The following KCNK9 variants were observed in gnomAD, a reference collection of about 807,000 sequenced individuals.
The protein encoded by KCNK9 is potassium channel subfamily K member 9.
Under a neutral mutation model 10.8 loss-of-function variants are expected in KCNK9, and 1 was observed. The ratio of observed to expected loss-of-function variants is 0.09; its 90% CI spans 0.03 to 0.44. The LOEUF (loss-of-function observed/expected upper bound fraction) is 0.44, where lower values mean the gene tolerates loss of function less well. KCNK9 is among the 20% of genes least tolerant of loss of function. The pLI, the probability that KCNK9 is intolerant of heterozygous loss-of-function variation, is 0.97. For missense variants in KCNK9, 303 were observed against 515.0 expected (o/e 0.59, Z 3.98); for synonymous variants, 231 against 222.7 (o/e 1.04, Z -0.33).
At chr8:139,664,549 A>G (rs1816249813) in intron 1 of KCNK9, among the ~76,000 whole-genome samples, 2 of 152,116 alleles carry the variant, frequency 1.3e-5, no homozygotes, top group South Asian at 4.1e-4. Flanking sequence ...CACCGAATTG[A>G]GAATCCAGAA....
At chr8:139,625,432 C>A (rs560015201) in intron 1 of KCNK9, among the ~76,000 whole-genome samples, 57 of 152,358 alleles carry the variant, frequency 3.7e-4, no homozygotes, top group African/African-American at 1.3e-3. Flanking sequence ...GCAGAGCCCA[C>A]TCCTGACTCA....
chr8:139,620,329 T>G (rs1430071648), intron 1 of KCNK9, among the ~76,000 whole-genome samples: 3 of 152,230 alleles, frequency 2.0e-5, no homozygotes, highest in Non-Finnish European at 2.9e-5. Context: ...CTGTCACATG[T>G]TCATGGTCAC....
Position 139,617,737 on chromosome 8 carries a change from C to G in KCNK9, c.*521G>C, listed in dbSNP as rs768672232. Among the ~76,000 whole-genome samples the G allele has an allele frequency of 3.9e-5, 6 of 152,172 alleles. No individual in the cohort carries two copies. Among genetic ancestry groups the G allele is most frequent in the Non-Finnish European group, 7.3e-5 (5 of 68,028 alleles). On this transcript the variant is annotated 3_prime_UTR_variant, in exon 2 of 2. Coordinates refer to ENST00000520439, the MANE Select transcript of KCNK9 (RefSeq NM_001282534.2). ...GGGAAAGAAAACGGAATACCTAATA[C>G]TTCCCGTTTTGTCACGACACACGTG...
rs1369334024 is a variant in KCNK9 at position 139,702,549 on chromosome 8, G to A, written c.283+161C>T. Among the ~76,000 whole-genome samples the A allele has an allele frequency of 6.6e-6, 1 of 152,146 alleles. No homozygotes were observed. Among genetic ancestry groups the A allele is most frequent in the Non-Finnish European group, 1.5e-5 (1 of 68,002 alleles). Reference sequence around the variant, plus strand: ...AAGGGTGAGGCTCGGAGGCGCCGCGGAGGGGGGGCTCCCTAGAGAGGAGGG... The same window carrying A: ...AAGGGTGAGGCTCGGAGGCGCCGCGAAGGGGGGGCTCCCTAGAGAGGAGGG... On this transcript the variant is annotated intron_variant, in intron 1 of 1. Coordinates refer to ENST00000520439, the MANE Select transcript of KCNK9 (RefSeq NM_001282534.2). This position sits in a 1 kb window ranked among gnomAD's most constrained non-coding sequence, Gnocchi z 7.5.
chr8:139,602,311 C>T (rs569091629), intron 2 of KCNK9, among the ~76,000 whole-genome samples: 67 of 152,272 alleles, frequency 4.4e-4, no homozygotes, highest in African/African-American at 1.0e-3. Flanking sequence ...ACCAGTGTTC[C>T]GGGGAAAACG....
chr8:139,649,921 C>G (rs758877767), intron 1 of KCNK9, among the ~76,000 whole-genome samples: 21 of 152,198 alleles, frequency 1.4e-4, no homozygotes, highest in Non-Finnish European at 2.8e-4. Flanking sequence ...ATTCTGCACT[C>G]CCCAAGGAAA....
At chr8:139,619,198 G>C in intron 1 of KCNK9, 99 bp from the exon 2 acceptor site, 1 of 1,314,918 alleles carries the variant, frequency 7.6e-7, no homozygotes, top group Middle Eastern at 2.0e-4. Context: ...GTGCAATGCA[G>C]AGGGACCTGG....
chr8:139,667,824 T>C (rs1221595182), intron 1 of KCNK9, among the ~76,000 whole-genome samples: 3 of 151,750 alleles, frequency 2.0e-5, no homozygotes, highest in Non-Finnish European at 4.4e-5. Context: ...GAGCTTGCAG[T>C]GAGCTGAGAT....
chr8:139,647,950 GA>G (rs957457341), intron 1 of KCNK9, among the ~76,000 whole-genome samples: 2 of 152,216 alleles, frequency 1.3e-5, no homozygotes, highest in Non-Finnish European at 2.9e-5. Flanking sequence ...TATGCCCAAA[GA>G]AATGGAAAAC....
intron 2 of KCNK9, among the ~76,000 whole-genome samples, chr8:139,602,909 C>T (rs750102506): frequency 2.0e-5 from 3 of 152,172 alleles, no homozygotes; most frequent in East Asian, 1.9e-4. Context: ...TACATGGTGG[C>T]GTATCGCTGC....
At chr8:139,652,030 C>A (rs1815881073) in intron 1 of KCNK9, among the ~76,000 whole-genome samples, 1 of 152,112 alleles carries the variant, frequency 6.6e-6, no homozygotes, top group Non-Finnish European at 1.5e-5. Context: ...TCTTTGTGTG[C>A]CTGGAGCCAT....
At chr8:139,694,074 C>T (rs1383011894) in intron 1 of KCNK9, among the ~76,000 whole-genome samples, 3 of 152,174 alleles carry the variant, frequency 2.0e-5, no homozygotes, top group African/African-American at 7.2e-5. Flanking sequence ...TTTTCCATCT[C>T]TGAGGAGCAT....
At chr8:139,620,637 C>T (rs1397297095) in intron 1 of KCNK9, among the ~76,000 whole-genome samples, 1 of 152,138 alleles carries the variant, frequency 6.6e-6, no homozygotes, top group African/African-American at 2.4e-5. Flanking sequence ...CCTACCTACC[C>T]CCATGGGCCA....
chr8:139,677,857 C>CCCA (rs1816594714), intron 1 of KCNK9, among the ~76,000 whole-genome samples: 1 of 43,408 alleles, frequency 2.3e-5, no homozygotes, highest in African/African-American at 5.1e-5. Context: ...ACATCCCAGC[C>CCCA]CAAGGGGTCC....
At chr8:139,650,523 C>A (rs1815830461) in intron 1 of KCNK9, among the ~76,000 whole-genome samples, 1 of 152,170 alleles carries the variant, frequency 6.6e-6, no homozygotes, top group South Asian at 2.1e-4. Flanking sequence ...CCTCTCCCCT[C>A]TCCCTCATCC....
rs929882186 is a variant in KCNK9, at chr8:139,693,371, AG to A, written c.283+9338del. ...CCCTAACCTGTTGTCTTCCATTAAA[AG>A]CAACAGCTTGAGTTCAAAAGGCTGC... On this transcript the variant is annotated intron_variant, in intron 1 of 1. Coordinates refer to ENST00000520439, the MANE Select transcript of KCNK9 (RefSeq NM_001282534.2). The surrounding 1 kb of genome is among the most constrained non-coding windows in gnomAD (Gnocchi z 4.1). Among the ~76,000 whole-genome samples, 1 of 152,110 alleles carries A rather than the reference AG, an allele frequency of 6.6e-6. No individual in the cohort carries two copies. Among genetic ancestry groups the A allele is most frequent in the Non-Finnish European group, 1.5e-5 (1 of 68,022 alleles).
At chr8:139,628,378 ACC>A (rs1815044349) in intron 1 of KCNK9, among the ~76,000 whole-genome samples, 4 of 152,180 alleles carry the variant, frequency 2.6e-5, no homozygotes, top group Admixed American at 6.5e-5. Context: ...GGAACCCCAT[ACC>A]CTGGCAAACA....
At position 139,618,729 on chromosome 8, in the gene KCNK9, C is replaced by T. The variant is rs763076662; in HGVS notation, c.654G>A (p.Pro218=). ...LQTKGALQKK[P]LYVAFSFMYI... ...ACATAAAGCTAAAGGCCACGTAGAG[C>T]GGCTTCTTCTGCAGGGCACCCTTGG... The change falls in exon 2 of 2, where the codon CCG becomes CCA. Residue 218 remains proline, a synonymous_variant. Coordinates refer to ENST00000520439, the MANE Select transcript of KCNK9 (RefSeq NM_001282534.2). The surrounding 1 kb of genome is among the most constrained non-coding windows in gnomAD (Gnocchi z 7.9). 9.3e-6 allele frequency: 15 copies of T among 1,614,218 alleles called. No homozygotes were observed. The highest frequency in any genetic ancestry group is 4.4e-5 in the South Asian group (4 of 91,080).
chr8:139,680,545 G>A (rs918414), intron 1 of KCNK9, among the ~76,000 whole-genome samples: 2 of 152,046 alleles, frequency 1.3e-5, no homozygotes, highest in South Asian at 2.1e-4. Context: ...GGAGGCTGAC[G>A]TGGCCTTCTG....
Sources: gnomAD v4.1 joint callset for allele counts (sites outside exome capture counted in the v4.1 genomes callset) on GRCh38, gnomAD v4.1.1 for gene constraint, Gnocchi (gnomAD v3.1) non-coding constraint, MANE v1.5 for transcripts, NCBI Gene and HGNC (gene_info 2026-07-23, HGNC 2026-07-21) for gene names.